Variants in AKT3 observed in about 807,000 individuals in gnomAD.
The protein encoded by AKT3 is RAC-gamma serine/threonine-protein kinase.
Under a neutral mutation model 65.3 loss-of-function variants are expected in AKT3, and 15 were observed. That is an observed-to-expected ratio of 0.23 (90% CI 0.15 to 0.35). The LOEUF is 0.35. Ranked by LOEUF, AKT3 falls within the 10% of genes least tolerant of loss-of-function variation. AKT3 has a pLI of 1.00. For missense variants in AKT3, 243 were observed against 576.5 expected, an observed-to-expected ratio of 0.42 and a Z score of 5.92; for synonymous variants, 206 against 183.8, an observed-to-expected ratio of 1.12 and a Z score of -0.98.
chr1:243,571,392 C>G (rs979934035), intron 9 of AKT3, among the ~76,000 whole-genome samples: 1 of 152,156 alleles, frequency 6.6e-6, no homozygotes, highest in Non-Finnish European at 1.5e-5. Flanking sequence ...CTGACCAAGA[C>G]CATAATCAAT....
intron 2 of AKT3, among the ~76,000 whole-genome samples, chr1:243,756,488 C>A (rs1249068816): frequency 1.3e-5 from 2 of 152,172 alleles, no homozygotes; most frequent in Non-Finnish European, 2.9e-5. Flanking sequence ...CTGAGACAAT[C>A]TGGATATCAA....
chr1:243,667,884 T>A (rs1239477500), intron 3 of AKT3, among the ~76,000 whole-genome samples: 4 of 152,116 alleles, frequency 2.6e-5, no homozygotes, highest in African/African-American at 9.7e-5. Flanking sequence ...ACTACACTCT[T>A]TCTGCTTTAG....
chr1:243,841,075 T>C (rs1229410330), intron 2 of AKT3, among the ~76,000 whole-genome samples: 1 of 152,156 alleles, frequency 6.6e-6, no homozygotes, highest in Admixed American at 6.5e-5. Flanking sequence ...TATGCAACTA[T>C]TCATCTCAAA....
chr1:243,500,796 G>C lies in AKT3; in HGVS notation c.*4453C>G, dbSNP rs72759895. Reference sequence around the variant, plus strand: ...GAGGCGGTGGCATGATCTACACACAGAGACCATTTGAATCTCTTGAGCATG... The same window carrying C: ...GAGGCGGTGGCATGATCTACACACACAGACCATTTGAATCTCTTGAGCATG... On this transcript the variant is annotated 3_prime_UTR_variant, in exon 14 of 14. Coordinates refer to ENST00000673466, the MANE Select transcript of AKT3 (RefSeq NM_005465.7). 7,358 of 228,916 alleles carry C rather than the reference G, an allele frequency of 0.032. 210 individuals are homozygous for C. Among genetic ancestry groups the C allele is most frequent in the Non-Finnish European group, 0.048 (5,576 of 115,394 alleles). 14.2% of individuals were successfully genotyped at this position (228,916 alleles called of 1,614,324 possible).
intron 2 of AKT3, among the ~76,000 whole-genome samples, chr1:243,802,213 A>C (rs1175883185): frequency 5.9e-5 from 9 of 152,154 alleles, no homozygotes; most frequent in Non-Finnish European, 1.2e-4. Context: ...TTCCTCAGGT[A>C]TACTCCAACA....
intron 2 of AKT3, chr1:243,735,638 TCTTA>T (rs1687799541): frequency 6.6e-6 from 1 of 152,218 alleles, no homozygotes; most frequent in Non-Finnish European, 1.5e-5. Context: ...AGTAGCCAGC[TCTTA>T]CTATCAGTCA....
chr1:243,836,147 A>T (rs1694875790), intron 2 of AKT3, among the ~76,000 whole-genome samples: 1 of 152,152 alleles, frequency 6.6e-6, no homozygotes, highest in Non-Finnish European at 1.5e-5. Flanking sequence ...TGTCAACGAG[A>T]GAAACAGTTT....
Position 243,503,725 on chromosome 1 carries a change from T to C in AKT3, c.*1524A>G, listed in dbSNP as rs916570552. 9 of 232,024 alleles carry C rather than the reference T, an allele frequency of 3.9e-5. No individual in the cohort carries two copies. The highest frequency in any genetic ancestry group is 6.0e-5 in the Non-Finnish European group (7 of 117,140). The allele number at this position is 232,024 out of a possible 1,614,324, so 14.4% of individuals were successfully genotyped here. On this transcript the variant is annotated 3_prime_UTR_variant, in exon 14 of 14. Transcript: ENST00000673466. ...AGCTGGAGGTGTTCTCTTTTTTTGTTGTTTTTTCCCTGATGGCTTAATTCA... is the reference window on the plus strand; with the variant it reads ...AGCTGGAGGTGTTCTCTTTTTTTGTCGTTTTTTCCCTGATGGCTTAATTCA...
At chr1:243,713,864 T>C (rs1686317026) in intron 2 of AKT3, among the ~76,000 whole-genome samples, 1 of 148,630 alleles carries the variant, frequency 6.7e-6, no homozygotes, top group Non-Finnish European at 1.5e-5. Flanking sequence ...TGACAGCTCC[T>C]CCCTTAACAA....
intron 2 of AKT3, among the ~76,000 whole-genome samples, chr1:243,741,508 C>A (rs1046992875): frequency 1.3e-5 from 2 of 152,076 alleles, no homozygotes; most frequent in Non-Finnish European, 2.9e-5. Flanking sequence ...GAGAGGGAAT[C>A]AAGATTTCCC....
intron 2 of AKT3, among the ~76,000 whole-genome samples, chr1:243,778,325 T>C (rs756167297): frequency 2.3e-4 from 35 of 152,208 alleles, no homozygotes; most frequent in Non-Finnish European, 8.8e-5. Context: ...TAGACAATTA[T>C]ACAGAGTATT....
intron 2 of AKT3, among the ~76,000 whole-genome samples, chr1:243,783,857 A>C (rs114088056): frequency 6.6e-6 from 1 of 152,302 alleles, no homozygotes; most frequent in Non-Finnish European, 1.5e-5. Context: ...ACAATAAGAA[A>C]TTATGCTAGT....
intron 1 of AKT3, among the ~76,000 whole-genome samples, chr1:243,846,036 A>C (rs1000985749): frequency 6.6e-6 from 1 of 152,246 alleles, no homozygotes; most frequent in Non-Finnish European, 1.5e-5. Context: ...TCTGCAAGTT[A>C]AAATCTACGG....
intron 1 of AKT3, among the ~76,000 whole-genome samples, chr1:243,845,789 A>G (rs571257647): frequency 1.3e-5 from 2 of 152,070 alleles, no homozygotes; most frequent in Non-Finnish European, 2.9e-5. Flanking sequence ...ATTTACCCCC[A>G]GATTAAACTG....
At chr1:243,571,965 C>T (rs986368010) in intron 9 of AKT3, among the ~76,000 whole-genome samples, 6 of 152,180 alleles carry the variant, frequency 3.9e-5, no homozygotes, top group Non-Finnish European at 8.8e-5. Flanking sequence ...ATAAAAGCCT[C>T]ATGTAACTTC....
intron 11 of AKT3, 21 bp downstream of exon 11, chr1:243,552,708 T>C: frequency 6.3e-7 from 1 of 1,598,872 alleles, no homozygotes; most frequent in Non-Finnish European, 8.6e-7. Flanking sequence ...AGTAATTCAC[T>C]AAGCGTTATT....
intron 13 of AKT3, among the ~76,000 whole-genome samples, chr1:243,492,973 C>T (rs1249424640): frequency 5.9e-5 from 9 of 152,060 alleles, no homozygotes; most frequent in Admixed American, 3.9e-4. Flanking sequence ...CACCTGGGTT[C>T]GGAAACAACT....
At chr1:243,583,158 GTATATGTGTGTGTATATATATATATA>G (rs1186219682) in intron 8 of AKT3, among the ~76,000 whole-genome samples, 31 of 79,842 alleles carry the variant, frequency 3.9e-4, no homozygotes, top group East Asian at 2.5e-3. Flanking sequence ...TCTCTTCCAT[GTATATGTGTGTGTATATATATATATA>G]TATATATATA....
intron 5 of AKT3, among the ~76,000 whole-genome samples, chr1:243,641,248 A>ACG (rs1461075921): frequency 1.1e-5 from 1 of 89,992 alleles, no homozygotes; most frequent in Non-Finnish European, 2.4e-5. Flanking sequence ...CTCCATATAT[A>ACG]TGTGTGTGTG....
Sources: allele counts gnomAD v4.1 joint callset (sites outside exome capture counted in the v4.1 genomes callset), GRCh38; gene constraint gnomAD v4.1.1; transcripts MANE v1.5; gene names NCBI Gene and HGNC (gene_info 2026-07-23, HGNC 2026-07-21).